The following EP300 variants were observed in gnomAD, a reference collection of about 807,000 sequenced individuals.
EP300 encodes the protein histone acetyltransferase p300.
In EP300, 31 loss-of-function variants were observed where a neutral mutation model predicts 264.0. The observed-to-expected ratio is 0.12, with a 90% CI of 0.09 to 0.16. EP300 has a LOEUF of 0.16. Ranked by LOEUF, EP300 falls within the 10% of genes least tolerant of loss-of-function variation. EP300 has a pLI of 1.00. For missense variants in EP300, 2,766 were observed against 3,052.9 expected (o/e 0.91, Z 2.21); for synonymous variants, 1,340 against 1,045.4 (o/e 1.28, Z -5.44).
intron 2 of EP300, among the ~76,000 whole-genome samples, chr22:41,120,152 T>C (rs1346796604): frequency 6.6e-6 from 1 of 152,234 alleles, no homozygotes; most frequent in Admixed American, 6.5e-5. Flanking sequence ...AGAGTACTTA[T>C]ATCAGTGTTT....
chr22:41,116,358 C>T (rs1283379605), intron 1 of EP300, among the ~76,000 whole-genome samples: 8 of 152,126 alleles, frequency 5.3e-5, no homozygotes, highest in Non-Finnish European at 1.2e-4. Context: ...TAATGCTATC[C>T]TCTCCTAGCC....
chr22:41,117,314 A>T lies in EP300; in HGVS notation c.222A>T (p.Ala74=), dbSNP rs141946699. The T allele has an allele frequency of 5.0e-6, 8 of 1,614,122 alleles. No individual in the cohort carries two copies. The African/African-American group carries it at 9.3e-5, about 19-fold the overall frequency. ...LQTSLGMVQD[A]ASKHKQLSEL... ...CAAGTCTTGGCATGGTACAAGATGC[A>T]GCTTCTAAACATAAACAGCTGTCAG... Residue 74 remains alanine, a synonymous_variant, in exon 2 of 31, where the codon GCA becomes GCT. Coordinates refer to ENST00000263253, the MANE Select transcript of EP300 (RefSeq NM_001429.4).
chr22:41,165,128 T>C (rs1212995228), intron 22 of EP300, among the ~76,000 whole-genome samples: 1 of 152,216 alleles, frequency 6.6e-6, no homozygotes, highest in Non-Finnish European at 1.5e-5. Flanking sequence ...GGATACTTTA[T>C]TTTCAGTGTG....
intron 1 of EP300, among the ~76,000 whole-genome samples, chr22:41,115,879 T>C (rs2145694741): frequency 6.6e-6 from 1 of 152,334 alleles, no homozygotes; most frequent in East Asian, 1.9e-4. Context: ...TATAGGAACT[T>C]GGTAAAAAAT....
chr22:41,127,814 G>A, intron 4 of EP300, 66 bp downstream of exon 4: 3 of 1,596,130 alleles, frequency 1.9e-6, no homozygotes, highest in Non-Finnish European at 2.6e-6. Context: ...AGGAAAATGT[G>A]ATCAAGTCTA....
chr22:41,124,885 GATCTTA>G (rs2058871940), intron 2 of EP300, among the ~76,000 whole-genome samples: 2 of 152,010 alleles, frequency 1.3e-5, no homozygotes, highest in Admixed American at 1.3e-4. Context: ...TCTTAATTTT[GATCTTA>G]ATCTTGAAAA....
chr22:41,165,932 A>G (rs2059131543), intron 22 of EP300, among the ~76,000 whole-genome samples: 1 of 151,522 alleles, frequency 6.6e-6, no homozygotes, highest in African/African-American at 2.4e-5. Flanking sequence ...TTACAGGCAC[A>G]TACCACCATG....
chr22:41,146,566 CA>C, intron 10 of EP300, 172 bp from the exon 11 acceptor site: 1 of 644,252 alleles, frequency 1.6e-6, no homozygotes, highest in Non-Finnish European at 2.7e-6. Flanking sequence ...TTCTGTATTC[CA>C]GAAATAACAT....
Position 41,131,682 on chromosome 22 carries a change from G to A in EP300, c.1528+49G>A. 2 of 1,612,978 alleles carry A rather than the reference G, an allele frequency of 1.2e-6. 1 individual carries two copies. The highest frequency in any genetic ancestry group is 2.2e-5 in the South Asian group (2 of 90,802). On this transcript the variant is annotated intron_variant, in intron 6 of 30. Coordinates refer to ENST00000263253, the MANE Select transcript of EP300 (RefSeq NM_001429.4). ...CATGGTATTGGTTGTGTCAGTAAAT[G>A]ACATCTATAAACACAGTGTTGTTAG...
rs183547221 is a variant in EP300, at chr22:41,162,917, A to G, written c.3728+138A>G. 4.6e-4 allele frequency: 337 copies of G among 726,262 alleles called. 3 individuals carry two copies. The East Asian group carries it at 8.1e-3, about 17-fold the overall frequency. The allele number at this position is 726,262 out of a possible 1,614,324, so 45.0% of individuals were successfully genotyped here. Reference sequence around the variant, plus strand: ...CATAACATACATCTAATGGATAGTAAAACCATGGAAAACACTGAAGTACTA... The same window carrying G: ...CATAACATACATCTAATGGATAGTAGAACCATGGAAAACACTGAAGTACTA... On this transcript the variant is annotated intron_variant, in intron 21 of 30. Transcript: ENST00000263253.
intron 1 of EP300, among the ~76,000 whole-genome samples, chr22:41,107,254 T>A (rs1047726603): frequency 6.6e-6 from 1 of 152,138 alleles, no homozygotes; most frequent in African/African-American, 2.4e-5. Flanking sequence ...GAGCAGTAGA[T>A]GGATTCTGTC....
chr22:41,095,834 T>C (rs570749234), intron 1 of EP300, among the ~76,000 whole-genome samples: 2 of 152,246 alleles, frequency 1.3e-5, no homozygotes, highest in Non-Finnish European at 2.9e-5. Context: ...AGCGTTCTAA[T>C]GTCAGCTTTA....
chr22:41,171,156 G>A (rs959903178), intron 27 of EP300, among the ~76,000 whole-genome samples: 14 of 151,492 alleles, frequency 9.2e-5, no homozygotes, highest in Admixed American at 5.3e-4. Context: ...ATTTATTTTT[G>A]GGGGGAGGGT....
rs576099610 is a variant in EP300, at chr22:41,103,708, G to T, written c.94+10610G>T. On this transcript the variant is annotated intron_variant, in intron 1 of 30. Coordinates refer to ENST00000263253, the MANE Select transcript of EP300 (RefSeq NM_001429.4). ...GGAGAGAGATGGGAAAGGATGTTGG[G>T]GTTCTATTGTGGAAAGAGAAATATG... Among the ~76,000 whole-genome samples the T allele has an allele frequency of 3.3e-5, 5 of 152,188 alleles. No homozygotes were observed. In the East Asian group the frequency reaches 9.7e-4, roughly 29 times the overall value.
chr22:41,104,354 A>G (rs2063969612), intron 1 of EP300, among the ~76,000 whole-genome samples: 1 of 151,570 alleles, frequency 6.6e-6, no homozygotes, highest in Non-Finnish European at 1.5e-5. Flanking sequence ...CAGTGGTGTA[A>G]TCTTGGCTCA....
chr22:41,118,514 G>C (rs2058833666), intron 2 of EP300, among the ~76,000 whole-genome samples: 1 of 152,188 alleles, frequency 6.6e-6, no homozygotes, highest in African/African-American at 2.4e-5. Context: ...CACTATGGTT[G>C]CCAGTGCCTG....
intron 14 of EP300, 65 bp downstream of exon 14, chr22:41,150,263 G>A: frequency 6.7e-7 from 1 of 1,499,218 alleles, no homozygotes; most frequent in Admixed American, 2.0e-5. Flanking sequence ...ATTACTTCTG[G>A]GCCATTTCCA....
At chr22:41,135,215 A>G (rs5751049) in intron 6 of EP300, among the ~76,000 whole-genome samples, 147,772 of 152,302 alleles carry the variant, frequency 0.97, 71,853 homozygotes, top group East Asian at 1. Context: ...CTCCCATTCC[A>G]TGTTACGCAG....
At chr22:41,160,419 C>CG in intron 19 of EP300, 1 of 356,676 alleles carries the variant, frequency 2.8e-6, no homozygotes, top group Admixed American at 4.7e-5. Context: ...GCTTTGATTG[C>CG]AAAAAAAAAA....
Sources: gnomAD v4.1 joint callset for allele counts (sites outside exome capture counted in the v4.1 genomes callset) on GRCh38, gnomAD v4.1.1 for gene constraint, MANE v1.5 for transcripts, NCBI Gene and HGNC (gene_info 2026-07-23, HGNC 2026-07-21) for gene names.